AHCY: variants seen among roughly 807,000 people sequenced by gnomAD.
The protein encoded by AHCY is adenosylhomocysteinase, also known as S-adenosyl-L-homocysteine hydrolase.
Under a neutral mutation model 45.4 loss-of-function variants are expected in AHCY, and 24 were observed. That is an observed-to-expected ratio of 0.53 (90% CI 0.38 to 0.74). The LOEUF (loss-of-function observed/expected upper bound fraction) is 0.74, where lower values mean the gene tolerates loss of function less well. Among genes scored for constraint, AHCY ranks in the 30% least tolerant of loss-of-function variants. AHCY has a pLI of 0.00. For missense variants in AHCY, 449 were observed against 594.1 expected, an observed-to-expected ratio of 0.76 and a Z score of 2.54; for synonymous variants, 245 against 235.1, an observed-to-expected ratio of 1.04 and a Z score of -0.39.
the AHCY span, among the ~76,000 whole-genome samples, chr20:34,257,746 TA>T: frequency 6.6e-6 from 1 of 152,210 alleles, no homozygotes; most frequent in Non-Finnish European, 1.5e-5. Flanking sequence ...CTTGTCTCAT[TA>T]GGACCCAGTC....
intron 3 of AHCY, chr20:34,293,768 A>G: frequency 9.2e-6 from 4 of 434,694 alleles, no homozygotes; most frequent in South Asian, 2.1e-5. Flanking sequence ...AGCCCTCCCC[A>G]GTTCTTTGGA....
chr20:34,273,579 G>A, the AHCY span, among the ~76,000 whole-genome samples: 6 of 152,146 alleles, frequency 3.9e-5, no homozygotes, highest in Non-Finnish European at 8.8e-5. Context: ...AGCCATTGTT[G>A]AGAAATTACC....
chr20:34,265,971 G>T, the AHCY span, among the ~76,000 whole-genome samples: 1 of 151,950 alleles, frequency 6.6e-6, no homozygotes, highest in Non-Finnish European at 1.5e-5. Flanking sequence ...AGCGGAGGGG[G>T]GGAAGTTAAA....
At chr20:34,241,498 A>G in the AHCY span, 4 of 985,350 alleles carry the variant, frequency 4.1e-6, no homozygotes, top group Admixed American at 6.1e-5. Context: ...ATGTGAGTTT[A>G]GATGGCAACT....
upstream of AHCY, chr20:34,303,396 A>T: frequency 7.5e-7 from 1 of 1,337,736 alleles, no homozygotes. Context: ...TCTTCCTCGC[A>T]CTTGCATATT....
the AHCY span, among the ~76,000 whole-genome samples, chr20:34,258,441 A>G: frequency 6.6e-6 from 1 of 150,656 alleles, no homozygotes. Flanking sequence ...AGGGCAAATA[A>G]GTACTGTAGT....
At chr20:34,286,269 C>T (rs1344741960) in intron 8 of AHCY, 1 of 155,424 alleles carries the variant, frequency 6.4e-6, no homozygotes, top group African/African-American at 2.4e-5. Context: ...TGTACTAAGT[C>T]CTTTACAGGT....
At chr20:34,310,956 T>A (rs1484420112) in intron 1 of AHCY, among the ~76,000 whole-genome samples, 1 of 151,680 alleles carries the variant, frequency 6.6e-6, no homozygotes, top group Non-Finnish European at 1.5e-5. Context: ...CGAAATCCCA[T>A]CTCTACTAAA....
chr20:34,269,429 A>T, the AHCY span: 3 of 463,634 alleles, frequency 6.5e-6, no homozygotes, highest in African/African-American at 2.1e-5. Flanking sequence ...CCCGGGGCTC[A>T]GGAAACCCGG....
chr20:34,310,577 A>G (rs1448723079), intron 1 of AHCY, among the ~76,000 whole-genome samples: 1 of 152,256 alleles, frequency 6.6e-6, no homozygotes, highest in East Asian at 1.9e-4. Flanking sequence ...AATTTATTCC[A>G]AAGATGTTTG....
In AHCY at chr20:34,290,788, C is replaced by G; in HGVS notation, c.709G>C (p.Ala237Pro). 1 of 1,614,086 alleles carries G rather than the reference C, an allele frequency of 6.2e-7. No homozygotes were observed. Among genetic ancestry groups the G allele is most frequent in the Non-Finnish European group, 8.5e-7 (1 of 1,180,014 alleles). The stretch of plus-strand genomic sequence containing the variant: ...TCAATCTCGGTGATGATGACGCGGG[C>G]TCCGAAACCCCGCAGGGCCTGGGCA... ...GCAQALRGFG[A>P]RVIITEIDPI... Residue 237 changes from alanine (A) to proline (P), a missense_variant, in exon 6 of 10, where the codon GCC (alanine) becomes CCC (proline). Physicochemically the swap from Ala to Pro is conservative, Grantham distance 27. Coordinates refer to ENST00000217426, the MANE Select transcript of AHCY (RefSeq NM_000687.4). This position sits in a 1 kb window ranked among gnomAD's most constrained non-coding sequence, Gnocchi z 4.5.
intron 1 of AHCY, among the ~76,000 whole-genome samples, chr20:34,295,845 A>G (rs2036562409): frequency 6.6e-6 from 1 of 152,176 alleles, no homozygotes. Context: ...TACAACATAA[A>G]GAAGCGTCCC....
At chr20:34,273,354 T>A in the AHCY span, among the ~76,000 whole-genome samples, 2 of 152,056 alleles carry the variant, frequency 1.3e-5, no homozygotes, top group Non-Finnish European at 2.9e-5. Context: ...GCAACTAATA[T>A]ACTCTGACTG....
the AHCY span, among the ~76,000 whole-genome samples, chr20:34,268,395 A>G: frequency 1.3e-5 from 2 of 152,068 alleles, no homozygotes; most frequent in African/African-American, 4.8e-5. Flanking sequence ...AGGCCAAAAG[A>G]AAGTTCATGT....
intron 1 of AHCY, 101 bp downstream of exon 1, chr20:34,303,142 G>C (rs918339701): frequency 6.5e-7 from 1 of 1,527,056 alleles, no homozygotes; most frequent in South Asian, 1.2e-5. Flanking sequence ...TGCGATTCCA[G>C]GGGGTCCAGA....
At chr20:34,259,798 G>A in the AHCY span, among the ~76,000 whole-genome samples, 1 of 151,854 alleles carries the variant, frequency 6.6e-6, no homozygotes, top group East Asian at 1.9e-4. Context: ...TAAATCCAGG[G>A]GGCCTATGTC....
At chr20:34,306,930 G>A (rs537748410), upstream of AHCY, among the ~76,000 whole-genome samples, 8 of 152,278 alleles carry the variant, frequency 5.3e-5, no homozygotes, top group African/African-American at 1.9e-4. Flanking sequence ...GCAAGAGAGA[G>A]GTAAATGTGG....
upstream of AHCY, among the ~76,000 whole-genome samples, chr20:34,304,837 A>T (rs1262412483): frequency 6.6e-6 from 1 of 151,532 alleles, no homozygotes; most frequent in Non-Finnish European, 1.5e-5. Context: ...TACAGGCATG[A>T]GCCACCACGC....
upstream of AHCY, among the ~76,000 whole-genome samples, chr20:34,307,363 T>A (rs964133090): frequency 2.0e-5 from 3 of 151,950 alleles, no homozygotes; most frequent in African/African-American, 7.3e-5. Flanking sequence ...ATGCTGAGGT[T>A]TTTTTGTTTT....
Sources: allele counts gnomAD v4.1 joint callset (sites outside exome capture counted in the v4.1 genomes callset), GRCh38; gene constraint gnomAD v4.1.1; non-coding constraint Gnocchi (gnomAD v3.1); transcripts MANE v1.5; gene names NCBI Gene and HGNC (gene_info 2026-07-23, HGNC 2026-07-21).